CDH18: variants seen among roughly 807,000 people sequenced by gnomAD.
CDH18 encodes the protein cadherin-18.
Under a neutral mutation model 67.9 loss-of-function variants are expected in CDH18, and 31 were observed. The ratio of observed to expected loss-of-function variants is 0.46; its 90% CI spans 0.34 to 0.62. The LOEUF (loss-of-function observed/expected upper bound fraction) is 0.62. Among genes scored for constraint, CDH18 ranks in the 20% least tolerant of loss-of-function variants. The pLI is 0.01. For synonymous variants in CDH18, 362 were observed against 347.2 expected (o/e 1.04, Z -0.48); for missense variants, 890 against 975.5 (o/e 0.91, Z 1.17).
chr5:20,526,899 G>A (rs1561096378), intron 1 of CDH18, among the ~76,000 whole-genome samples: 1 of 152,012 alleles, frequency 6.6e-6, no homozygotes, highest in Admixed American at 6.6e-5. Flanking sequence ...TCTCCAGCAA[G>A]GGCACAGAAC....
At chr5:20,197,812 A>G (rs1032787048) in intron 2 of CDH18, among the ~76,000 whole-genome samples, 1 of 152,222 alleles carries the variant, frequency 6.6e-6, no homozygotes, top group Non-Finnish European at 1.5e-5. Flanking sequence ...AATGACTAGA[A>G]TTACAGGCAT....
At chr5:19,811,543 A>G (rs568762925) in intron 3 of CDH18, among the ~76,000 whole-genome samples, 1 of 152,024 alleles carries the variant, frequency 6.6e-6, no homozygotes, top group Non-Finnish European at 1.5e-5. Flanking sequence ...GACAATAATA[A>G]TATGCTGTTT....
intron 2 of CDH18, among the ~76,000 whole-genome samples, chr5:20,101,244 G>A (rs1746440480): frequency 2.0e-5 from 3 of 152,196 alleles, no homozygotes; most frequent in Middle Eastern, 3.4e-3. Flanking sequence ...TTACAGGCAT[G>A]AGCCACCACG....
intron 6 of CDH18, among the ~76,000 whole-genome samples, chr5:19,593,999 C>T (rs1177629644): frequency 6.6e-6 from 1 of 151,718 alleles, no homozygotes; most frequent in African/African-American, 2.4e-5. Flanking sequence ...TAAAGCTTTA[C>T]CCCTATTTTT....
intron 2 of CDH18, among the ~76,000 whole-genome samples, chr5:20,103,062 C>A (rs1746611255): frequency 6.6e-6 from 1 of 152,168 alleles, no homozygotes; most frequent in Non-Finnish European, 1.5e-5. Flanking sequence ...TCAGGGTGAG[C>A]ATATCAGTAA....
At chr5:19,602,370 CA>C (rs1244597878) in intron 6 of CDH18, among the ~76,000 whole-genome samples, 3 of 151,686 alleles carry the variant, frequency 2.0e-5, no homozygotes, top group African/African-American at 4.8e-5. Context: ...ATAAATCTAA[CA>C]AAAAATGTGT....
intron 2 of CDH18, among the ~76,000 whole-genome samples, chr5:20,048,403 T>C (rs1741096424): frequency 6.6e-6 from 1 of 151,786 alleles, no homozygotes; most frequent in Non-Finnish European, 1.5e-5. Context: ...ACTACCCTCT[T>C]TATGGAATAA....
intron 1 of CDH18, among the ~76,000 whole-genome samples, chr5:20,569,691 G>A (rs946244716): frequency 2.0e-5 from 3 of 152,194 alleles, no homozygotes; most frequent in African/African-American, 4.8e-5. Flanking sequence ...ACCCAAATGA[G>A]TTGAACACTT....
chr5:20,370,599 A>T (rs550257125), intron 1 of CDH18, among the ~76,000 whole-genome samples: 9 of 152,336 alleles, frequency 5.9e-5, no homozygotes, highest in African/African-American at 2.2e-4. Flanking sequence ...GAAAAGACAC[A>T]GGTGAAATTT....
At chr5:19,738,745 G>T (rs1229056315) in intron 4 of CDH18, among the ~76,000 whole-genome samples, 3 of 152,158 alleles carry the variant, frequency 2.0e-5, no homozygotes, top group African/African-American at 7.2e-5. Context: ...TGGGCAGAGG[G>T]TGGGAAGAGG....
At chr5:20,349,517 G>A (rs572328306) in intron 1 of CDH18, among the ~76,000 whole-genome samples, 1 of 152,180 alleles carries the variant, frequency 6.6e-6, no homozygotes, top group Non-Finnish European at 1.5e-5. Flanking sequence ...AGGCGTTAAA[G>A]TTCAAATGCA....
intron 9 of CDH18, among the ~76,000 whole-genome samples, chr5:19,527,750 A>C (rs1747965642): frequency 4.0e-5 from 6 of 151,832 alleles, no homozygotes; most frequent in Admixed American, 3.9e-4. Flanking sequence ...AACTTTTGTC[A>C]GTTTACAGTA....
At chr5:19,842,210 G>A (rs937087132) in intron 2 of CDH18, among the ~76,000 whole-genome samples, 8 of 152,090 alleles carry the variant, frequency 5.3e-5, no homozygotes, top group Admixed American at 2.0e-4. Context: ...CTGATAAACC[G>A]AGCCCTGACT....
chr5:19,495,885 T>C (rs888495108), intron 11 of CDH18, among the ~76,000 whole-genome samples: 9 of 152,112 alleles, frequency 5.9e-5, no homozygotes, highest in African/African-American at 1.9e-4. Context: ...TTACTTATAT[T>C]AGGAACTAAG....
At chr5:19,567,995 C>T (rs921506281) in intron 8 of CDH18, among the ~76,000 whole-genome samples, 2 of 152,126 alleles carry the variant, frequency 1.3e-5, no homozygotes, top group South Asian at 4.1e-4. Flanking sequence ...TATATAGACA[C>T]CTATCTCTGA....
At chr5:19,553,934 C>G (rs2450434) in intron 8 of CDH18, among the ~76,000 whole-genome samples, 1 of 151,878 alleles carries the variant, frequency 6.6e-6, no homozygotes, top group Non-Finnish European at 1.5e-5. Context: ...ACGCCTGACC[C>G]TGGACTCACC....
At chr5:20,323,143 A>G (rs1283425688) in intron 1 of CDH18, among the ~76,000 whole-genome samples, 1 of 152,176 alleles carries the variant, frequency 6.6e-6, no homozygotes, top group African/African-American at 2.4e-5. Flanking sequence ...CTAAGCAGGA[A>G]GAAAATTAAC....
At chr5:20,413,327 A>G (rs1205689006) in intron 1 of CDH18, among the ~76,000 whole-genome samples, 1 of 152,228 alleles carries the variant, frequency 6.6e-6, no homozygotes, top group Non-Finnish European at 1.5e-5. Context: ...GTATATACCC[A>G]GTAATGGGAT....
At position 19,551,708 on chromosome 5, in the gene CDH18, G is replaced by T. The variant is rs140936371; in HGVS notation, c.1254-7703C>A. Among the ~76,000 whole-genome samples the T allele has an allele frequency of 8.0e-3, 1,217 of 152,178 alleles. 20 individuals are homozygous for T. The highest frequency in any genetic ancestry group is 0.027 in the African/African-American group (1,134 of 41,544). On this transcript the variant is annotated intron_variant, in intron 8 of 12. Coordinates refer to ENST00000382275, the MANE Select transcript of CDH18 (RefSeq NM_004934.5). ...GTCTATTTTGATAAGACAGTTCATA[G>T]ATTGTAAGTACTGGTTGTTTCTTTC...
Sources: allele counts gnomAD v4.1 joint callset (sites outside exome capture counted in the v4.1 genomes callset), GRCh38; gene constraint gnomAD v4.1.1; transcripts MANE v1.5; gene names NCBI Gene and HGNC (gene_info 2026-07-23, HGNC 2026-07-21).